The following KBTBD11 variants were observed in gnomAD, a reference collection of about 807,000 sequenced individuals.
KBTBD11 encodes the protein kelch repeat and BTB domain-containing protein 11.
For synonymous variants in KBTBD11, 747 were observed against 499.0 expected, an observed-to-expected ratio of 1.50 and a Z score of -6.63; for missense variants, 1,390 against 1,001.8, an observed-to-expected ratio of 1.39 and a Z score of -5.23.
chr8:1,988,764 C>T (rs1435541023), intron 1 of KBTBD11, among the ~76,000 whole-genome samples: 1 of 152,204 alleles, frequency 6.6e-6, no homozygotes, highest in Non-Finnish European at 1.5e-5. Context: ...CTGTCTCATT[C>T]CTTGCTACCA....
At position 2,002,588 on chromosome 8, in the gene KBTBD11, C is replaced by A; in HGVS notation, c.1396C>A (p.Leu466Ile). 1 of 1,584,500 alleles carries A rather than the reference C, an allele frequency of 6.3e-7. No individual in the cohort carries two copies. The highest frequency in any genetic ancestry group is 8.5e-7 in the Non-Finnish European group (1 of 1,174,276). The change falls in exon 2 of 2, where the codon CTC (leucine) becomes ATC (isoleucine). Residue 466 changes from leucine to isoleucine, a missense_variant. By Grantham distance (5) the Leu-to-Ile change is conservative. Coordinates refer to ENST00000320248, the MANE Select transcript of KBTBD11 (RefSeq NM_014867.3). This position sits in a 1 kb window ranked among gnomAD's most constrained non-coding sequence, Gnocchi z 4.1. Reference protein sequence around the residue: ...HGEIYVSGGSLFYRLLKYDPR... With the variant: ...HGEIYVSGGSIFYRLLKYDPR... ...CGAGATCTACGTGTCCGGGGGCTCC[C>A]TCTTCTATCGCCTGCTCAAGTATGA... is the stretch of plus-strand genomic sequence containing the variant.
intron 1 of KBTBD11, among the ~76,000 whole-genome samples, chr8:1,982,283 A>G (rs973078638): frequency 6.6e-6 from 1 of 152,238 alleles, no homozygotes; most frequent in Non-Finnish European, 1.5e-5. Context: ...CAAGAATCAA[A>G]GCATACCACA....
At chr8:1,986,192 C>T (rs1220772280) in intron 1 of KBTBD11, among the ~76,000 whole-genome samples, 2 of 152,152 alleles carry the variant, frequency 1.3e-5, no homozygotes, top group Non-Finnish European at 2.9e-5. Context: ...AGGCATTTTC[C>T]CTGGATCTAA....
At chr8:1,996,640 A>T (rs1235559349) in intron 1 of KBTBD11, among the ~76,000 whole-genome samples, 1 of 152,184 alleles carries the variant, frequency 6.6e-6, no homozygotes, top group African/African-American at 2.4e-5. Flanking sequence ...ATTCTTTAAA[A>T]AAAAATTAAG....
In KBTBD11 at chr8:2,001,089, G is replaced by C; in HGVS notation, c.-104G>C. ...AGAAGTGAAATCTGATCGCGTGCCA[G>C]GAAAAGCTGTGAGGCTGGAAACCCC... On this transcript the variant is annotated 5_prime_UTR_variant, in exon 2 of 2. Transcript: ENST00000320248. 2 of 1,253,996 alleles carry C rather than the reference G, an allele frequency of 1.6e-6. No homozygotes were observed. The highest frequency in any genetic ancestry group is 3.2e-5 in the East Asian group (1 of 31,698). 77.7% of individuals were successfully genotyped at this position (1,253,996 alleles called of 1,614,324 possible).
At chr8:1,997,296 C>G (rs944365983) in intron 1 of KBTBD11, among the ~76,000 whole-genome samples, 7 of 152,190 alleles carry the variant, frequency 4.6e-5, no homozygotes, top group African/African-American at 1.7e-4. Flanking sequence ...AAACATCTGA[C>G]CCTAACAGTC....
intron 1 of KBTBD11, among the ~76,000 whole-genome samples, chr8:1,995,563 C>T (rs759658565): frequency 2.0e-5 from 3 of 152,104 alleles, no homozygotes; most frequent in South Asian, 2.1e-4. Context: ...GCCAGTTCCA[C>T]GGGGCATCAG....
intron 1 of KBTBD11, among the ~76,000 whole-genome samples, chr8:1,993,918 C>A (rs987779457): frequency 7.8e-6 from 1 of 128,464 alleles, no homozygotes; most frequent in Non-Finnish European, 1.6e-5. Flanking sequence ...TACACAATAC[C>A]CCCTACACAC....
Position 2,002,319 on chromosome 8 carries a change from C to G in KBTBD11, c.1127C>G (p.Ala376Gly). 2.2e-6 allele frequency: 3 copies of G among 1,384,354 alleles called. No homozygotes were observed. Among genetic ancestry groups the G allele is most frequent in the Non-Finnish European group, 2.8e-6 (3 of 1,077,008 alleles). 85.8% of individuals were successfully genotyped at this position (1,384,354 alleles called of 1,614,324 possible). A position where few individuals can be genotyped will look rare whatever the true frequency, so the allele number is the denominator to read the frequency against. Residue 376 changes from alanine to glycine, a missense_variant, in exon 2 of 2, where the codon GCG (alanine) becomes GGG (glycine). Ala to Gly is a moderately conservative substitution (Grantham distance 60, BLOSUM62 0). Transcript: ENST00000320248. This position sits in a 1 kb window ranked among gnomAD's most constrained non-coding sequence, Gnocchi z 4.1. ...GCGCCCGCGGGCCCCGACGGCCGCG[C>G]GCGCCCGTCCGACCAGGTCTTCTGC... ...GVAPAGPDGR[A>G]RPSDQVFCYN... is the part of the protein sequence containing the mutation.
At chr8:1,996,664 T>A (rs1327650031) in intron 1 of KBTBD11, among the ~76,000 whole-genome samples, 1 of 152,170 alleles carries the variant, frequency 6.6e-6, no homozygotes, top group Admixed American at 6.5e-5. Context: ...ACTGTAATGA[T>A]TTGAAAGGAA....
chr8:1,989,683 C>T (rs537820342), intron 1 of KBTBD11, among the ~76,000 whole-genome samples: 13 of 152,304 alleles, frequency 8.5e-5, no homozygotes, highest in Admixed American at 3.3e-4. Flanking sequence ...ATCGCCTCCC[C>T]GAAGAGCTCA....
chr8:2,002,306 C>T lies in KBTBD11; in HGVS notation c.1114C>T (p.Pro372Ser), dbSNP rs949356259. 1 of 1,355,976 alleles carries T rather than the reference C, an allele frequency of 7.4e-7. No individual in the cohort carries two copies. The highest frequency in any genetic ancestry group is 9.4e-7 in the Non-Finnish European group (1 of 1,063,102). The allele number at this position is 1,355,976 out of a possible 1,614,324, so 84.0% of individuals were successfully genotyped here. A position where few individuals can be genotyped will look rare whatever the true frequency, so the allele number is the denominator to read the frequency against. The change falls in exon 2 of 2, where the codon CCC (proline) becomes TCC (serine). Residue 372 changes from proline (P) to serine (S), a missense_variant. By Grantham distance (74) the Pro-to-Ser change is moderately conservative. Coordinates refer to ENST00000320248, the MANE Select transcript of KBTBD11 (RefSeq NM_014867.3). This position sits in a 1 kb window ranked among gnomAD's most constrained non-coding sequence, Gnocchi z 4.1. ...FVAGGVAPAGPDGRARPSDQV... is the reference protein window; with the variant it reads ...FVAGGVAPAGSDGRARPSDQV... ...GGCGGGCGGCGTGGCGCCCGCGGGCCCCGACGGCCGCGCGCGCCCGTCCGA... is the reference window on the plus strand; with the variant it reads ...GGCGGGCGGCGTGGCGCCCGCGGGCTCCGACGGCCGCGCGCGCCCGTCCGA...
intron 1 of KBTBD11, among the ~76,000 whole-genome samples, chr8:1,986,542 A>C (rs182401637): frequency 1.3e-5 from 2 of 152,342 alleles, no homozygotes; most frequent in Non-Finnish European, 2.9e-5. Context: ...AAAAGGACAA[A>C]ACACGAGTTT....
At position 2,003,815 on chromosome 8, in the gene KBTBD11, A is replaced by T. The variant is rs1817488948; in HGVS notation, c.*751A>T. 3.6e-5 allele frequency: 6 copies of T among 167,090 alleles called. No individual in the cohort carries two copies. In the South Asian group the frequency reaches 1.0e-3, roughly 29 times the overall value. 10.4% of individuals were successfully genotyped at this position (167,090 alleles called of 1,614,324 possible). ...GTAGCGATGATTTACCATTATTTAAATTTTAAGTCTTCAGTGGCTAAATGT... is the reference window on the plus strand; with the variant it reads ...GTAGCGATGATTTACCATTATTTAATTTTTAAGTCTTCAGTGGCTAAATGT... On this transcript the variant is annotated 3_prime_UTR_variant, in exon 2 of 2. Transcript: ENST00000320248.
intron 1 of KBTBD11, among the ~76,000 whole-genome samples, chr8:1,995,412 G>A (rs1311458514): frequency 6.6e-6 from 1 of 152,162 alleles, no homozygotes; most frequent in African/African-American, 2.4e-5. Flanking sequence ...ATTTTACAAG[G>A]AAAATGTATT....
intron 1 of KBTBD11, among the ~76,000 whole-genome samples, chr8:1,986,729 G>A (rs1020244906): frequency 2.6e-5 from 4 of 152,060 alleles, no homozygotes; most frequent in Non-Finnish European, 5.9e-5. Flanking sequence ...AATAATGGTA[G>A]TTGTTTAAAC....
Position 2,002,823 on chromosome 8 carries a change from C to T in KBTBD11, c.1631C>T (p.Pro544Leu). The change falls in exon 2 of 2, where the codon CCC (proline) becomes CTC (leucine). Residue 544 changes from proline (P) to leucine (L), a missense_variant. Physicochemically the swap from Pro to Leu is moderately conservative, Grantham distance 98. Transcript: ENST00000320248. This position sits in a 1 kb window ranked among gnomAD's most constrained non-coding sequence, Gnocchi z 4.1. ...CCGTGCGTCGCGCCCCTGCGCCTCC[C>T]CGGCGGCCCCACGGGCCTGCAGCCC... Reference protein sequence around the residue: ...WSPCVAPLRLPGGPTGLQPFR... With the variant: ...WSPCVAPLRLLGGPTGLQPFR... 2 of 1,430,474 alleles carry T rather than the reference C, an allele frequency of 1.4e-6. No homozygotes were observed. Among genetic ancestry groups the T allele is most frequent in the South Asian group, 1.4e-5 (1 of 69,900 alleles). The allele number at this position is 1,430,474 out of a possible 1,614,324, so 88.6% of individuals were successfully genotyped here.
chr8:1,977,448 C>T (rs907487324), intron 1 of KBTBD11, among the ~76,000 whole-genome samples: 1 of 152,136 alleles, frequency 6.6e-6, no homozygotes, highest in Non-Finnish European at 1.5e-5. Flanking sequence ...TGGACTCCTG[C>T]AGTAGTCTCT....
Position 1,980,486 on chromosome 8 carries a change from A to C in KBTBD11, c.-909+6551A>C, listed in dbSNP as rs57778501. 5.3e-5 allele frequency among the ~76,000 whole-genome samples: 8 copies of C among 152,182 alleles called. No homozygotes were observed. In the South Asian group the frequency reaches 1.7e-3, roughly 32 times the overall value. On this transcript the variant is annotated intron_variant, in intron 1 of 1. Coordinates refer to ENST00000320248, the MANE Select transcript of KBTBD11 (RefSeq NM_014867.3). ...ATGATCTGCCTGCCTCGGCCTCCCAAAGTGCAGGGATTACAGATGTGAGCC... is the reference window on the plus strand; with the variant it reads ...ATGATCTGCCTGCCTCGGCCTCCCACAGTGCAGGGATTACAGATGTGAGCC...
Sources: gnomAD v4.1 joint callset for allele counts (sites outside exome capture counted in the v4.1 genomes callset) on GRCh38, gnomAD v4.1.1 for gene constraint, Gnocchi (gnomAD v3.1) non-coding constraint, MANE v1.5 for transcripts, NCBI Gene and HGNC (gene_info 2026-07-23, HGNC 2026-07-21) for gene names.